The following MAML2 variants were observed in gnomAD, a reference collection of about 807,000 sequenced individuals.
The protein encoded by MAML2 is mastermind like transcriptional coactivator 2, also known as mastermind-like protein 2.
Under a neutral mutation model 96.1 loss-of-function variants are expected in MAML2, and 22 were observed. The observed-to-expected ratio is 0.23, with a 90% confidence interval of 0.16 to 0.33. The LOEUF (loss-of-function observed/expected upper bound fraction) is 0.33. Ranked by LOEUF, MAML2 falls within the 10% of genes least tolerant of loss-of-function variation. The probability of loss-of-function intolerance (pLI) is 1.00; values close to 1 mark genes in which losing one functional copy is unlikely to be tolerated. For missense variants in MAML2, 1,367 were observed against 1,392.4 expected (o/e 0.98, Z 0.29); for synonymous variants, 561 against 521.3 (o/e 1.08, Z -1.04).
chr11:96,047,930 A>AGAAAAG (rs1555001443), intron 2 of MAML2, among the ~76,000 whole-genome samples: 6 of 127,400 alleles, frequency 4.7e-5, no homozygotes, highest in Non-Finnish European at 9.8e-5. Flanking sequence ...AAAAAAAAAA[A>AGAAAAG]AAAAGAAAAA....
chr11:96,174,791 T>C (rs1861356748), intron 1 of MAML2, among the ~76,000 whole-genome samples: 3 of 152,272 alleles, frequency 2.0e-5, no homozygotes, highest in East Asian at 3.8e-4. Flanking sequence ...GCCTGAAGCA[T>C]GTGCAATTGT....
intron 1 of MAML2, among the ~76,000 whole-genome samples, chr11:96,330,453 G>A (rs1339207338): frequency 1.3e-5 from 2 of 152,230 alleles, no homozygotes; most frequent in Non-Finnish European, 2.9e-5. Context: ...AGATAACACA[G>A]CTAATGAAAT....
chr11:96,248,410 C>A (rs1382850812), intron 1 of MAML2, among the ~76,000 whole-genome samples: 4 of 152,104 alleles, frequency 2.6e-5, no homozygotes, highest in Admixed American at 2.0e-4. Context: ...CCATGCCTGG[C>A]GTGTTTTACT....
intron 1 of MAML2, among the ~76,000 whole-genome samples, chr11:96,294,631 C>A (rs1007999933): frequency 3.3e-5 from 5 of 152,152 alleles, no homozygotes; most frequent in Non-Finnish European, 7.4e-5. Flanking sequence ...GTAACGAATT[C>A]TTACCCCTTA....
rs546225666 is a variant in MAML2, at chr11:96,000,583, C to T, written c.2140-8860G>A. Among the ~76,000 whole-genome samples the T allele has an allele frequency of 9.2e-5, 14 of 152,250 alleles. No homozygotes were observed. In the East Asian group the frequency reaches 1.7e-3, roughly 19 times the overall value. The stretch of plus-strand genomic sequence containing the variant: ...TTAAAAATGCCTTAGATGAAGTACC[C>T]AGCAATCCTTTGAGATAACTGGCAA... On this transcript the variant is annotated intron_variant, in intron 2 of 4. Transcript: ENST00000524717.
chr11:96,115,314 C>A (rs1299502605), intron 1 of MAML2, among the ~76,000 whole-genome samples: 11 of 151,860 alleles, frequency 7.2e-5, no homozygotes, highest in Admixed American at 2.6e-4. Context: ...CAGGTGTGTA[C>A]CATCATGCTT....
chr11:96,034,480 A>G (rs12284382), intron 2 of MAML2, among the ~76,000 whole-genome samples: 17,080 of 147,184 alleles, frequency 0.12, 1,514 homozygotes, highest in African/African-American at 0.27. Flanking sequence ...TGTGTGTCAG[A>G]GAGAGATTTC....
chr11:96,330,478 T>C lies in MAML2; in HGVS notation c.513+10905A>G, dbSNP rs571991812. Among the ~76,000 whole-genome samples the C allele has an allele frequency of 6.6e-5, 10 of 152,350 alleles. No homozygotes were observed. The East Asian group carries it at 1.9e-3, about 29-fold the overall frequency. On this transcript the variant is annotated intron_variant, in intron 1 of 4. Coordinates refer to ENST00000524717, the MANE Select transcript of MAML2 (RefSeq NM_032427.4). The stretch of plus-strand genomic sequence containing the variant: ...GCTAATGAAATAGAGTCATTTTCCA[T>C]GCTAAAATTTTCCAGCTCTGATTCT...
chr11:96,077,535 T>A (rs1859462274), intron 2 of MAML2, among the ~76,000 whole-genome samples: 2 of 152,218 alleles, frequency 1.3e-5, no homozygotes, highest in African/African-American at 4.8e-5. Context: ...CCATCTTTTT[T>A]ACTCTCTTTC....
chr11:96,208,351 C>T (rs577303139), intron 1 of MAML2, among the ~76,000 whole-genome samples: 1 of 152,208 alleles, frequency 6.6e-6, no homozygotes. Flanking sequence ...GCCTGGCACC[C>T]AAGAATGAAA....
At chr11:96,113,081 G>A (rs1264763660) in intron 1 of MAML2, among the ~76,000 whole-genome samples, 1 of 24,726 alleles carries the variant, frequency 4.0e-5, no homozygotes, top group African/African-American at 1.1e-4. Flanking sequence ...CATTTTGCAG[G>A]GCAAAAAAAA....
intron 1 of MAML2, among the ~76,000 whole-genome samples, chr11:96,284,679 C>T (rs965730609): frequency 4.6e-5 from 7 of 152,168 alleles, no homozygotes; most frequent in African/African-American, 9.6e-5. Flanking sequence ...ACTCTGCTAG[C>T]AAAACACCAT....
In MAML2 at chr11:96,212,108, AGTGTGTGTGTGTGTGTGTGTGT is replaced by A. The variant is rs72133828; in HGVS notation, c.514-118613_514-118592del. Among the ~76,000 whole-genome samples the A allele has an allele frequency of 5.0e-4, 67 of 134,146 alleles. 1 individual carries two copies. Among genetic ancestry groups the A allele is most frequent in the Non-Finnish European group, 8.0e-5 (5 of 62,582 alleles). 88.0% of individuals were successfully genotyped at this position (134,146 alleles called of 152,430 possible). ...AATTTAGGCTATAAAAGGAAGACAA[AGTGTGTGTGTGTGTGTGTGTGT>A]GTGTGTGTGTGTGTGTGTGTGGAAG... On this transcript the variant is annotated intron_variant, in intron 1 of 4. Coordinates refer to ENST00000524717, the MANE Select transcript of MAML2 (RefSeq NM_032427.4).
chr11:96,169,066 C>T (rs900875733), intron 1 of MAML2, among the ~76,000 whole-genome samples: 6 of 152,188 alleles, frequency 3.9e-5, no homozygotes, highest in East Asian at 1.9e-4. Context: ...CTTCTTTCTA[C>T]GATGGGTGGG....
chr11:95,993,819 T>C (rs1217705899), intron 2 of MAML2, among the ~76,000 whole-genome samples: 1 of 152,150 alleles, frequency 6.6e-6, no homozygotes, highest in Non-Finnish European at 1.5e-5. Flanking sequence ...TACAAAATAA[T>C]TCTAAGGGCG....
chr11:96,078,692 G>A (rs1432866540), intron 2 of MAML2, among the ~76,000 whole-genome samples: 2 of 152,228 alleles, frequency 1.3e-5, no homozygotes. Context: ...TGAGAGCCAT[G>A]TCTAGGTGAG....
intron 1 of MAML2, among the ~76,000 whole-genome samples, chr11:96,197,641 A>G (rs769619716): frequency 6.6e-6 from 1 of 152,186 alleles, no homozygotes; most frequent in Non-Finnish European, 1.5e-5. Context: ...CAACATTATG[A>G]TCAGTCACCT....
At chr11:96,126,916 A>G (rs148902079) in intron 1 of MAML2, among the ~76,000 whole-genome samples, 1 of 152,262 alleles carries the variant, frequency 6.6e-6, no homozygotes, top group Admixed American at 6.5e-5. Context: ...GGGGGGGGTC[A>G]AATGGTAGGT....
rs189044673 is a variant in MAML2 at position 96,269,263 on chromosome 11, T to G, written c.513+72120A>C. Among the ~76,000 whole-genome samples the G allele has an allele frequency of 6.7e-4, 97 of 144,726 alleles. 15 individuals are homozygous for G. The highest frequency in any genetic ancestry group is 2.3e-3 in the African/African-American group (87 of 37,754). The allele number at this position is 144,726 out of a possible 152,430, so 94.9% of individuals were successfully genotyped here. ...CCTCTTAGCTCTTTTCCAAAGTGTC[T>G]ATGGTTCTGTGAATCTGGTGAGATT... On this transcript the variant is annotated intron_variant, in intron 1 of 4. Coordinates refer to ENST00000524717, the MANE Select transcript of MAML2 (RefSeq NM_032427.4).
Sources: allele counts gnomAD v4.1 joint callset (sites outside exome capture counted in the v4.1 genomes callset), GRCh38; gene constraint gnomAD v4.1.1; transcripts MANE v1.5; gene names NCBI Gene and HGNC (gene_info 2026-07-23, HGNC 2026-07-21).